The following RPS6KC1 variants were observed in gnomAD, a reference collection of about 807,000 sequenced individuals.
The protein encoded by RPS6KC1 is ribosomal protein S6 kinase C1.
Under a neutral mutation model 103.8 loss-of-function variants are expected in RPS6KC1, and 54 were observed. The ratio of observed to expected loss-of-function variants is 0.52; its 90% confidence interval spans 0.42 to 0.65. The LOEUF is 0.65. Ranked by LOEUF, RPS6KC1 falls within the 30% of genes least tolerant of loss-of-function variation. RPS6KC1 has a pLI of 0.00. For synonymous variants in RPS6KC1, 439 were observed against 438.7 expected (o/e 1.00, Z -0.01); for missense variants, 1,151 against 1,253.8 (o/e 0.92, Z 1.24).
intron 8 of RPS6KC1, among the ~76,000 whole-genome samples, chr1:213,212,919 A>G (rs1171184068): frequency 1.3e-5 from 2 of 152,118 alleles, no homozygotes; most frequent in Non-Finnish European, 2.9e-5. Context: ...TTTTTTAATC[A>G]GGTTTTTAAA....
chr1:213,649,354 C>T, the RPS6KC1 span, among the ~76,000 whole-genome samples: 18 of 151,928 alleles, frequency 1.2e-4, no homozygotes, highest in Non-Finnish European at 1.5e-4. Flanking sequence ...AGAGTCCACA[C>T]TCACCTCTTC....
the RPS6KC1 span, among the ~76,000 whole-genome samples, chr1:213,514,750 T>A: frequency 2.0e-5 from 3 of 152,238 alleles, no homozygotes; most frequent in Non-Finnish European, 4.4e-5. Flanking sequence ...TACCCAGTAA[T>A]GGGATGGCTG....
At chr1:213,527,787 C>T in the RPS6KC1 span, among the ~76,000 whole-genome samples, 150 of 152,122 alleles carry the variant, frequency 9.9e-4, no homozygotes, top group Middle Eastern at 3.4e-3. Flanking sequence ...CTTTTAACTT[C>T]CCAAAAACTT....
chr1:213,813,987 G>A, the RPS6KC1 span, among the ~76,000 whole-genome samples: 1 of 152,222 alleles, frequency 6.6e-6, no homozygotes, highest in Non-Finnish European at 1.5e-5. Flanking sequence ...AGAGACCTGA[G>A]ATGCCTATTA....
the RPS6KC1 span, among the ~76,000 whole-genome samples, chr1:213,301,702 T>TTTAC: frequency 1.2e-4 from 7 of 58,906 alleles, no homozygotes; most frequent in Admixed American, 7.2e-4. Context: ...CATTTACTTA[T>TTTAC]TTATTTATTT....
chr1:213,609,052 AAC>A, the RPS6KC1 span, among the ~76,000 whole-genome samples: 1 of 152,220 alleles, frequency 6.6e-6, no homozygotes, highest in South Asian at 2.1e-4. Flanking sequence ...GAAAAATAAG[AAC>A]ACAGAGAAAA....
chr1:213,725,180 C>G, the RPS6KC1 span, among the ~76,000 whole-genome samples: 1 of 152,196 alleles, frequency 6.6e-6, no homozygotes, highest in Non-Finnish European at 1.5e-5. Context: ...TAAATTTTCC[C>G]AACAATTGTA....
At chr1:213,117,276 C>T in intron 4 of RPS6KC1, 41 bp from the exon 5 acceptor site, 2 of 1,161,238 alleles carry the variant, frequency 1.7e-6, no homozygotes, top group South Asian at 2.6e-5. Flanking sequence ...GTTGTTTATG[C>T]TCTTAATGCT....
the RPS6KC1 span, among the ~76,000 whole-genome samples, chr1:213,425,562 CTCAA>C: frequency 6.6e-6 from 1 of 152,206 alleles, no homozygotes; most frequent in African/African-American, 2.4e-5. Context: ...TCTGATTTCT[CTCAA>C]TCAGACTATT....
chr1:213,409,796 G>C, the RPS6KC1 span, among the ~76,000 whole-genome samples: 1 of 152,150 alleles, frequency 6.6e-6, no homozygotes, highest in Non-Finnish European at 1.5e-5. Flanking sequence ...AATTTATATA[G>C]GGTCCTACCT....
At position 213,232,215 on chromosome 1, in the gene RPS6KC1, C is replaced by T; in HGVS notation, c.1185C>T (p.Ile395=). 6.2e-7 allele frequency: 1 copy of T among 1,614,046 alleles called. No individual in the cohort carries two copies. Among genetic ancestry groups the T allele is most frequent in the African/African-American group, 1.3e-5 (1 of 75,038 alleles). ...TGGTGTGTCTGCATAAGTACATCAT[C>T]TCTGAGGAGTCAGTATTTCTTGTGC... ...PNMVCLHKYI[I]SEESVFLVLQ... The change falls in exon 10 of 15, where the codon ATC becomes ATT. Residue 395 remains isoleucine, a synonymous_variant. Coordinates refer to ENST00000366960, the MANE Select transcript of RPS6KC1 (RefSeq NM_012424.6).
intron 2 of RPS6KC1, among the ~76,000 whole-genome samples, chr1:213,074,835 T>C (rs2079163367): frequency 1.4e-5 from 2 of 143,358 alleles, no homozygotes; most frequent in African/African-American, 5.2e-5. Flanking sequence ...ATGACTTAAC[T>C]AGAATAAATT....
chr1:213,426,979 G>A, the RPS6KC1 span, among the ~76,000 whole-genome samples: 1 of 152,174 alleles, frequency 6.6e-6, no homozygotes, highest in Non-Finnish European at 1.5e-5. Context: ...ATAAATAAAA[G>A]GCAAGTTTGT....
chr1:213,178,534 CTG>C (rs1477719194), intron 8 of RPS6KC1, among the ~76,000 whole-genome samples: 2 of 151,476 alleles, frequency 1.3e-5, no homozygotes, highest in Admixed American at 6.6e-5. Context: ...GACTGAGACT[CTG>C]TCTCAAAAAA....
chr1:213,331,994 T>G, the RPS6KC1 span, among the ~76,000 whole-genome samples: 64 of 151,498 alleles, frequency 4.2e-4, no homozygotes, highest in Non-Finnish European at 8.4e-4. Flanking sequence ...CGGCCATTGG[T>G]TATTTTGGTA....
At chr1:213,283,679 T>G in the RPS6KC1 span, among the ~76,000 whole-genome samples, 1 of 152,144 alleles carries the variant, frequency 6.6e-6, no homozygotes, top group Non-Finnish European at 1.5e-5. Flanking sequence ...AAAATTGACC[T>G]GCCAGCACTG....
At chr1:213,590,778 T>C in the RPS6KC1 span, among the ~76,000 whole-genome samples, 3 of 148,756 alleles carry the variant, frequency 2.0e-5, no homozygotes, top group African/African-American at 7.7e-5. Flanking sequence ...CGGGTGGTGG[T>C]GGCGGCGAGT....
At chr1:213,318,332 G>T in the RPS6KC1 span, among the ~76,000 whole-genome samples, 1 of 152,242 alleles carries the variant, frequency 6.6e-6, no homozygotes, top group Non-Finnish European at 1.5e-5. Flanking sequence ...GGAGTTCATG[G>T]TAGGCATTTT....
intron 8 of RPS6KC1, among the ~76,000 whole-genome samples, chr1:213,218,161 G>A (rs948522891): frequency 1.2e-4 from 18 of 152,220 alleles, no homozygotes; most frequent in African/African-American, 3.4e-4. Flanking sequence ...AAACTGATAA[G>A]CAACTTCAGC....
Sources: gnomAD v4.1 joint callset for allele counts (sites outside exome capture counted in the v4.1 genomes callset) on GRCh38, gnomAD v4.1.1 for gene constraint, MANE v1.5 for transcripts, NCBI Gene and HGNC (gene_info 2026-07-23, HGNC 2026-07-21) for gene names.